Variants in MLIP observed in about 807,000 individuals in gnomAD.
The protein encoded by MLIP is muscular LMNA interacting protein, also known as muscular LMNA-interacting protein.
A neutral mutation model predicts 84.8 loss-of-function variants in MLIP; 79 were observed. That is an observed-to-expected ratio of 0.93 (90% CI 0.78 to 1.12). MLIP has a LOEUF of 1.12. Among genes scored for constraint, MLIP ranks in the 50% most tolerant of loss-of-function variants. The pLI is 0.00. For synonymous variants in MLIP, 504 were observed against 463.0 expected (o/e 1.09, Z -1.14); for missense variants, 1,257 against 1,160.6 (o/e 1.08, Z -1.21).
At chr6:54,133,662 T>C (rs1771570743) in intron 3 of MLIP, among the ~76,000 whole-genome samples, 1 of 152,160 alleles carries the variant, frequency 6.6e-6, no homozygotes, top group African/African-American at 2.4e-5. Flanking sequence ...GCAGTAAAAA[T>C]ACAAGGCAGT....
intron 9 of MLIP, among the ~76,000 whole-genome samples, chr6:54,170,058 T>A (rs1582375185): frequency 6.6e-6 from 1 of 151,716 alleles, no homozygotes; most frequent in Admixed American, 6.6e-5. Context: ...TGGATAGATA[T>A]AGACTCACAT....
At chr6:54,236,181 T>C (rs1781348091) in intron 12 of MLIP, among the ~76,000 whole-genome samples, 1 of 152,198 alleles carries the variant, frequency 6.6e-6, no homozygotes, top group Non-Finnish European at 1.5e-5. Flanking sequence ...TCAGCACTCA[T>C]TGTGTTTGCT....
At chr6:54,220,204 A>G (rs569458231) in intron 11 of MLIP, among the ~76,000 whole-genome samples, 1 of 152,176 alleles carries the variant, frequency 6.6e-6, no homozygotes, top group Admixed American at 6.6e-5. Flanking sequence ...TTATGAATAT[A>G]CCTGTCCTTA....
At chr6:54,264,258 A>G (rs1295430403) in intron 13 of MLIP, among the ~76,000 whole-genome samples, 1 of 152,074 alleles carries the variant, frequency 6.6e-6, no homozygotes, top group East Asian at 1.9e-4. Context: ...CCAATATTTT[A>G]TTTAATGTTA....
At chr6:54,190,736 A>G (rs1019225214) in intron 10 of MLIP, among the ~76,000 whole-genome samples, 7 of 151,996 alleles carry the variant, frequency 4.6e-5, no homozygotes, top group Middle Eastern at 6.9e-3. Flanking sequence ...TTATGCTTAC[A>G]GTGGTTACCA....
chr6:54,081,625 C>T (rs1179262819), intron 1 of MLIP, among the ~76,000 whole-genome samples: 1 of 152,076 alleles, frequency 6.6e-6, no homozygotes, highest in Non-Finnish European at 1.5e-5. Flanking sequence ...GTTGGCCGGG[C>T]TGGTCTTAAA....
chr6:54,038,147 C>A (rs1764548958), intron 1 of MLIP, among the ~76,000 whole-genome samples: 1 of 151,744 alleles, frequency 6.6e-6, no homozygotes, highest in South Asian at 2.1e-4. Context: ...TTCAGTATGC[C>A]CTCTGATAAC....
intron 13 of MLIP, among the ~76,000 whole-genome samples, chr6:54,264,848 GCA>G (rs1463964954): frequency 1.3e-5 from 2 of 152,010 alleles, no homozygotes; most frequent in African/African-American, 4.8e-5. Context: ...ACAAACCAGA[GCA>G]GTCATGAGCC....
intron 3 of MLIP, 61 bp downstream of exon 3, chr6:54,124,926 T>C: frequency 6.8e-7 from 1 of 1,469,062 alleles, no homozygotes; most frequent in Non-Finnish European, 9.1e-7. Context: ...CCCTTTGTCT[T>C]GGGCGGTCTG....
chr6:54,143,569 A>T (rs534283859), intron 4 of MLIP, among the ~76,000 whole-genome samples: 1 of 152,270 alleles, frequency 6.6e-6, no homozygotes, highest in South Asian at 2.1e-4. Context: ...GTCAAAGGAA[A>T]AAACAGGGAT....
intron 1 of MLIP, among the ~76,000 whole-genome samples, chr6:54,098,512 A>G (rs1003333664): frequency 2.0e-5 from 3 of 151,766 alleles, no homozygotes; most frequent in Non-Finnish European, 4.4e-5. Context: ...GGTCACTGGA[A>G]AAGAACCAGG....
chr6:54,059,962 A>G (rs1347331362), intron 1 of MLIP, among the ~76,000 whole-genome samples: 5 of 152,272 alleles, frequency 3.3e-5, no homozygotes, highest in South Asian at 2.1e-4. Flanking sequence ...CTTTTCATTC[A>G]GCATAGGCAT....
At chr6:54,026,714 AG>A (rs1763823015) in intron 1 of MLIP, among the ~76,000 whole-genome samples, 8 of 149,804 alleles carry the variant, frequency 5.3e-5, no homozygotes, top group African/African-American at 2.0e-4. Context: ...CTGTGTCTTC[AG>A]TGTGTGTGTG....
intron 1 of MLIP, among the ~76,000 whole-genome samples, chr6:54,027,347 C>T (rs1023619781): frequency 1.4e-5 from 2 of 145,826 alleles, no homozygotes; most frequent in African/African-American, 5.2e-5. Context: ...AAAGTGGATG[C>T]TATGTTTTTA....
rs570497033 is a variant in MLIP at position 54,130,470 on chromosome 6, G to A, written c.645+5605G>A. Reference sequence around the variant, plus strand: ...ATAAGAGGGGGCAATTGCTGAGGGAGGGGTTAGACCCTCTTCAAGGAGAAA... The same window carrying A: ...ATAAGAGGGGGCAATTGCTGAGGGAAGGGTTAGACCCTCTTCAAGGAGAAA... On this transcript the variant is annotated intron_variant, in intron 3 of 13. Coordinates refer to ENST00000502396, the MANE Select transcript of MLIP (RefSeq NM_001281747.2). 3.1e-3 allele frequency among the ~76,000 whole-genome samples: 476 copies of A among 152,218 alleles called. 4 individuals are homozygous for A. Among genetic ancestry groups the A allele is most frequent in the African/African-American group, 0.011 (437 of 41,546 alleles).
Position 54,257,375 on chromosome 6 carries a change from A to G in MLIP, c.2976+14A>G. 6.4e-7 allele frequency: 1 copy of G among 1,572,084 alleles called. No individual in the cohort carries two copies. The highest frequency in any genetic ancestry group is 8.7e-7 in the Non-Finnish European group (1 of 1,144,196). Reference sequence around the variant, plus strand: ...GATTCCAAAGAGGTAAATGTAAGATAGGACTGGATATCTAATTATCCATTT... The same window carrying G: ...GATTCCAAAGAGGTAAATGTAAGATGGGACTGGATATCTAATTATCCATTT... On this transcript the variant is annotated intron_variant, in intron 13 of 13. Coordinates refer to ENST00000502396, the MANE Select transcript of MLIP (RefSeq NM_001281747.2).
At chr6:54,054,588 A>T (rs1765546952) in intron 1 of MLIP, among the ~76,000 whole-genome samples, 1 of 152,202 alleles carries the variant, frequency 6.6e-6, no homozygotes, top group Non-Finnish European at 1.5e-5. Flanking sequence ...TAGATTAAAG[A>T]TATCAAAGCA....
chr6:54,087,244 T>C (rs184298339), intron 1 of MLIP, among the ~76,000 whole-genome samples: 107 of 152,298 alleles, frequency 7.0e-4, no homozygotes, highest in African/African-American at 2.4e-3. Flanking sequence ...GTGCCTCTTC[T>C]GTGACTATGA....
intron 1 of MLIP, among the ~76,000 whole-genome samples, chr6:54,093,431 G>C (rs1387151324): frequency 7.0e-6 from 1 of 142,720 alleles, no homozygotes; most frequent in Non-Finnish European, 1.5e-5. Flanking sequence ...TGCCAAACAG[G>C]ACTCACTGAT....
Sources: gnomAD v4.1 joint callset for allele counts (sites outside exome capture counted in the v4.1 genomes callset) on GRCh38, gnomAD v4.1.1 for gene constraint, MANE v1.5 for transcripts, NCBI Gene and HGNC (gene_info 2026-07-23, HGNC 2026-07-21) for gene names.